NDRG2: variants seen among roughly 807,000 people sequenced by gnomAD.
NDRG2 encodes NDRG family member 2.
In NDRG2, 34 loss-of-function variants were observed where a neutral mutation model predicts 58.2. The ratio of observed to expected loss-of-function variants is 0.58; its 90% confidence interval spans 0.44 to 0.78. The LOEUF is 0.78. Ranked by LOEUF, NDRG2 falls within the 30% of genes least tolerant of loss-of-function variation. The probability of loss-of-function intolerance (pLI) is 0.00; values close to 1 mark genes in which losing one functional copy is unlikely to be tolerated. For synonymous variants in NDRG2, 187 were observed against 175.9 expected, an observed-to-expected ratio of 1.06 and a Z score of -0.50; for missense variants, 434 against 471.2, an observed-to-expected ratio of 0.92 and a Z score of 0.73.
In NDRG2 at chr14:21,019,724, A is replaced by C; in HGVS notation, c.631T>G (p.Ser211Ala). 6.2e-7 allele frequency: 1 copy of C among 1,613,108 alleles called. No homozygotes were observed. The highest frequency in any genetic ancestry group is 8.5e-7 in the Non-Finnish European group (1 of 1,179,084). Residue 211 changes from serine to alanine, a missense_variant, in exon 10 of 16, where the codon TCT becomes GCT. Transcript: ENST00000556147. ...TTTCTGTACTTTTGTATCAACTCAG[A>C]ATTTCCAGAGAGCTCTTCCTGAAGG... ...LFSQEELSGN[S>A]ELIQKYRNII...
intron 10 of NDRG2, 107 bp downstream of exon 10, chr14:21,019,532 A>C: frequency 2.7e-6 from 2 of 730,728 alleles, no homozygotes; most frequent in Non-Finnish European, 2.3e-6. Context: ...CATTCCTTGC[A>C]CATTGCACAC....
Position 21,022,202 on chromosome 14 carries a change from C to A in NDRG2, c.224-20G>T. 1 of 1,614,170 alleles carries A rather than the reference C, an allele frequency of 6.2e-7. No individual in the cohort carries two copies. Among genetic ancestry groups the A allele is most frequent in the Non-Finnish European group, 8.5e-7 (1 of 1,180,044 alleles). On this transcript the variant is annotated intron_variant, in intron 4 of 15. Coordinates refer to ENST00000556147, the MANE Select transcript of NDRG2 (RefSeq NM_001320329.2). The stretch of plus-strand genomic sequence containing the variant: ...ATTTATCTAAAGAGAACCCACATCA[C>A]CTCAACAATAGAATCAGACAGGGAC...
At chr14:21,044,939 C>T (rs913702476) in intron 1 of NDRG2, among the ~76,000 whole-genome samples, 1 of 152,218 alleles carries the variant, frequency 6.6e-6, no homozygotes, top group African/African-American at 2.4e-5. Flanking sequence ...CTCCCGTCTA[C>T]ATGACCTCGA....
At position 21,070,201 on chromosome 14, in the gene NDRG2, G is replaced by A. The variant is rs1042933521; in HGVS notation, c.24+627C>T. ...GAGGCGGGGGCGGGCGCTGAAGGGCGGGGCGGGGAGGGGCGGCCGTCTCGG... is the reference window on the plus strand; with the variant it reads ...GAGGCGGGGGCGGGCGCTGAAGGGCAGGGCGGGGAGGGGCGGCCGTCTCGG... On this transcript the variant is annotated intron_variant, in intron 1 of 14. Transcript: ENST00000403829. This position sits in a 1 kb window ranked among gnomAD's most constrained non-coding sequence, Gnocchi z 4.7. 2 of 332,362 alleles carry A rather than the reference G, an allele frequency of 6.0e-6. No homozygotes were observed. Among genetic ancestry groups the A allele is most frequent in the Non-Finnish European group, 4.9e-6 (1 of 204,116 alleles). The allele number at this position is 332,362 out of a possible 1,614,324, so 20.6% of individuals were successfully genotyped here. A position where few individuals can be genotyped will look rare whatever the true frequency, so the allele number is the denominator to read the frequency against.
At chr14:21,018,432 G>C (rs8015353) in intron 13 of NDRG2, 25 bp downstream of exon 13, 5 of 1,613,012 alleles carry the variant, frequency 3.1e-6, no homozygotes, top group Non-Finnish European at 4.2e-6. Flanking sequence ...GACTGTGGAC[G>C]GGGGCCCAGG....
intron 1 of NDRG2, among the ~76,000 whole-genome samples, chr14:21,050,030 C>T (rs193178586): frequency 2.6e-4 from 39 of 152,292 alleles, no homozygotes; most frequent in South Asian, 1.2e-3. Context: ...CTGCCTTGGC[C>T]TCCCAAAGTG....
Position 21,068,818 on chromosome 14 carries a change from C to G in NDRG2, c.24+2010G>C, listed in dbSNP as rs536532980. Among the ~76,000 whole-genome samples the G allele has an allele frequency of 1.4e-3, 211 of 152,346 alleles. 1 individual carries two copies. The highest frequency in any genetic ancestry group is 2.4e-3 in the Non-Finnish European group (165 of 68,036). ...ATGGAGCAGAGGCCTCTTCTTGCCT[C>G]TAAGAAGGATGAACACTTGCTCTGT... On this transcript the variant is annotated intron_variant, in intron 1 of 14. Transcript: ENST00000403829.
intron 12 of NDRG2, 103 bp downstream of exon 12, chr14:21,018,660 C>T (rs1878278743): frequency 6.3e-7 from 1 of 1,582,216 alleles, no homozygotes; most frequent in African/African-American, 1.3e-5. Flanking sequence ...CAAAGTTGAT[C>T]TCCCTGTGCC....
chr14:21,038,063 T>C (rs1884731286), intron 1 of NDRG2, among the ~76,000 whole-genome samples: 1 of 152,226 alleles, frequency 6.6e-6, no homozygotes, highest in Admixed American at 6.5e-5. Context: ...TCATGGACAG[T>C]TCCTGGGCTG....
chr14:21,065,713 G>A (rs895534047), intron 1 of NDRG2, among the ~76,000 whole-genome samples: 2 of 152,250 alleles, frequency 1.3e-5, no homozygotes, highest in South Asian at 2.1e-4. Context: ...CACTAGAATC[G>A]TGAATGAAAA....
rs78907457 is a variant in NDRG2 at position 21,031,782 on chromosome 14, G to A, written c.25-8461C>T. The A allele has an allele frequency of 2.0e-4, 251 of 1,251,812 alleles. 1 individual carries two copies. The African/African-American group carries it at 3.0e-3, about 15-fold the overall frequency. 77.5% of individuals were successfully genotyped at this position (1,251,812 alleles called of 1,614,324 possible). A position where few individuals can be genotyped will look rare whatever the true frequency, so the allele number is the denominator to read the frequency against. Reference sequence around the variant, plus strand: ...AAGAAAGCAGCACCCCATGCCAGTGGCAGAGCAAGAGCTCCAAGCACTTGT... The same window carrying A: ...AAGAAAGCAGCACCCCATGCCAGTGACAGAGCAAGAGCTCCAAGCACTTGT... On this transcript the variant is annotated intron_variant, in intron 1 of 14. Coordinates refer to the NDRG2 transcript ENST00000403829.
intron 1 of NDRG2, among the ~76,000 whole-genome samples, chr14:21,038,751 T>G (rs999734862): frequency 6.6e-6 from 1 of 152,174 alleles, no homozygotes; most frequent in African/African-American, 2.4e-5. Flanking sequence ...TGGGAGGGCT[T>G]GTGAGACAAG....
intron 1 of NDRG2, among the ~76,000 whole-genome samples, chr14:21,062,995 G>T (rs1353864233): frequency 6.6e-6 from 1 of 151,456 alleles, no homozygotes; most frequent in Non-Finnish European, 1.5e-5. Flanking sequence ...GTGTAGGGGT[G>T]CACACCTGCC....
At chr14:21,033,447 T>TCTGTTGCCATGGTGTGCCTGTTGCCAGGA in intron 1 of NDRG2, 3 of 306,518 alleles carry the variant, frequency 9.8e-6, no homozygotes, top group Non-Finnish European at 1.9e-5. Context: ...GACTCGGAGC[T>TCTGTTGCCATGGTGTGCCTGTTGCCAGGA]GGTGCCTGTT....
rs3061929 is a variant in NDRG2 at position 21,054,335 on chromosome 14, TACACACAC to T, written c.24+16485_24+16492del. On this transcript the variant is annotated intron_variant, in intron 1 of 14. Transcript: ENST00000403829. ...GATAGATTGATCACAAAAGAGATAA[TACACACAC>T]ACACACACACACACACACACTGCTG... Among the ~76,000 whole-genome samples, 656 of 150,024 alleles carry T rather than the reference TACACACAC, an allele frequency of 4.4e-3. 4 individuals are homozygous for T. The highest frequency in any genetic ancestry group is 0.014 in the African/African-American group (588 of 40,852).
At chr14:21,019,485 C>T (rs2138861415) in intron 10 of NDRG2, 154 bp downstream of exon 10, 1 of 623,648 alleles carries the variant, frequency 1.6e-6, no homozygotes, top group Non-Finnish European at 2.8e-6. Context: ...CCCACTGACT[C>T]TGTCCTGAAG....
At chr14:21,040,170 C>A (rs531885855) in intron 1 of NDRG2, among the ~76,000 whole-genome samples, 1 of 152,194 alleles carries the variant, frequency 6.6e-6, no homozygotes, top group Non-Finnish European at 1.5e-5. Context: ...GTTTGGGATA[C>A]CTTAACAAAG....
At position 21,040,382 on chromosome 14, in the gene NDRG2, G is replaced by A. The variant is rs1457239132; in HGVS notation, c.25-17061C>T. Among the ~76,000 whole-genome samples, 3 of 152,024 alleles carry A rather than the reference G, an allele frequency of 2.0e-5. 1 individual carries two copies. In the East Asian group the frequency reaches 5.8e-4, roughly 29 times the overall value. On this transcript the variant is annotated intron_variant, in intron 1 of 14. Coordinates refer to the NDRG2 transcript ENST00000403829. ...CAGCTACTAAAATAATGTCCTCCTGGCCTCAAAACAAACTCCCCATCCTCC... is the reference window on the plus strand; with the variant it reads ...CAGCTACTAAAATAATGTCCTCCTGACCTCAAAACAAACTCCCCATCCTCC...
chr14:21,037,641 T>C (rs1566493286), intron 1 of NDRG2, among the ~76,000 whole-genome samples: 3 of 152,236 alleles, frequency 2.0e-5, no homozygotes, highest in African/African-American at 7.2e-5. Flanking sequence ...TGTGAAGCCC[T>C]GGTCTAAATA....
Sources: gnomAD v4.1 joint callset for allele counts (sites outside exome capture counted in the v4.1 genomes callset) on GRCh38, gnomAD v4.1.1 for gene constraint, Gnocchi (gnomAD v3.1) non-coding constraint, MANE v1.5 for transcripts, NCBI Gene and HGNC (gene_info 2026-07-23, HGNC 2026-07-21) for gene names.